The following THEMIS2 variants were observed in gnomAD, a reference collection of about 807,000 sequenced individuals.
The protein encoded by THEMIS2 is protein THEMIS2.
A neutral mutation model predicts 46.8 loss-of-function variants in THEMIS2; 29 were observed. The observed-to-expected ratio is 0.62, with a 90% CI of 0.46 to 0.84. THEMIS2 has a LOEUF of 0.84. THEMIS2 is among the 40% of genes least tolerant of loss of function. The pLI, the probability that THEMIS2 is intolerant of heterozygous loss-of-function variation, is 0.00. For missense variants in THEMIS2, 698 were observed against 834.7 expected, an observed-to-expected ratio of 0.84 and a Z score of 2.02; for synonymous variants, 335 against 349.1, an observed-to-expected ratio of 0.96 and a Z score of 0.45.
chr1:27,880,329 C>T lies in THEMIS2; in HGVS notation c.646+275C>T, dbSNP rs538853207. Among the ~76,000 whole-genome samples, 5 of 152,256 alleles carry T rather than the reference C, an allele frequency of 3.3e-5. No homozygotes were observed. In the South Asian group the frequency reaches 1.0e-3, roughly 32 times the overall value. On this transcript the variant is annotated intron_variant, in intron 3 of 5. Transcript: ENST00000373921. Reference sequence around the variant, plus strand: ...CCTCCCGAGTAGCTGGGATTACAGGCGTGCACCACCATGCCCGGCTAATTT... The same window carrying T: ...CCTCCCGAGTAGCTGGGATTACAGGTGTGCACCACCATGCCCGGCTAATTT...
Position 27,885,938 on chromosome 1 carries a change from C to A in THEMIS2, c.*16C>A. 6.2e-7 allele frequency: 1 copy of A among 1,613,232 alleles called. No individual in the cohort carries two copies. On this transcript the variant is annotated 3_prime_UTR_variant, in exon 6 of 6. Transcript: ENST00000373921. ...AACCATCTAAGTGCTGGAGGAACCACGCTTCCTAACTGCTGCTTCTCAGGG... is the reference window on the plus strand; with the variant it reads ...AACCATCTAAGTGCTGGAGGAACCAAGCTTCCTAACTGCTGCTTCTCAGGG...
chr1:27,883,250 A>T (rs2089716853), intron 4 of THEMIS2: 1 of 593,262 alleles, frequency 1.7e-6, no homozygotes, highest in Admixed American at 3.0e-5. Context: ...GAAAACAAGG[A>T]CTTGGAGACC....
Position 27,872,772 on chromosome 1 carries a change from C to T in THEMIS2, c.94+107C>T. 2.2e-6 allele frequency: 2 copies of T among 900,210 alleles called. No homozygotes were observed. Among genetic ancestry groups the T allele is most frequent in the Non-Finnish European group, 3.0e-6 (2 of 675,964 alleles). 55.8% of individuals were successfully genotyped at this position (900,210 alleles called of 1,614,324 possible). The stretch of plus-strand genomic sequence containing the variant: ...GGGAAACTGCCCCTGGGTTCAAATC[C>T]CGACACTGCCACTGGCCAAGCTGTG... On this transcript the variant is annotated intron_variant, in intron 1 of 5. Coordinates refer to ENST00000373921, the MANE Select transcript of THEMIS2 (RefSeq NM_001105556.3). The surrounding 1 kb of genome is among the most constrained non-coding windows in gnomAD (Gnocchi z 4.9).
At position 27,882,989 on chromosome 1, in the gene THEMIS2, T is replaced by TA; in HGVS notation, c.1670dup (p.Asn557LysfsTer13). 1 of 1,605,752 alleles carries TA rather than the reference T, an allele frequency of 6.2e-7. No individual in the cohort carries two copies. The highest frequency in any genetic ancestry group is 8.5e-7 in the Non-Finnish European group (1 of 1,173,822). ...TCCAAGCCCCCCCACCCAGGCCCCC[T>TA]AAAAATCAGGGCCTCAGCAAGCAGA... On this transcript the variant is annotated frameshift_variant, in exon 4 of 6. Transcript: ENST00000373921. LOFTEE classifies it high-confidence loss of function. This position sits in a 1 kb window ranked among gnomAD's most constrained non-coding sequence, Gnocchi z 7.6.
chr1:27,875,918 G>A (rs544157341), intron 1 of THEMIS2, among the ~76,000 whole-genome samples: 1 of 152,002 alleles, frequency 6.6e-6, no homozygotes, highest in South Asian at 2.1e-4. Flanking sequence ...TAGCCAGGAT[G>A]GTCTCGATCT....
At chr1:27,881,625 C>T (rs367879971) in intron 3 of THEMIS2, among the ~76,000 whole-genome samples, 4 of 151,372 alleles carry the variant, frequency 2.6e-5, no homozygotes, top group Non-Finnish European at 5.9e-5. Flanking sequence ...GACAGGAGTT[C>T]GAGACCAGCC....
chr1:27,886,626 A>T lies in THEMIS2; in HGVS notation c.*704A>T, dbSNP rs1331172630. On this transcript the variant is annotated 3_prime_UTR_variant, in exon 6 of 6. Transcript: ENST00000373921. ...TCAAAGTTGTAAGTGACTAACCAAGATTATTTCATTTTAAAACCATAGAAT... is the reference window on the plus strand; with the variant it reads ...TCAAAGTTGTAAGTGACTAACCAAGTTTATTTCATTTTAAAACCATAGAAT... 6.6e-6 allele frequency: 1 copy of T among 152,200 alleles called. No individual in the cohort carries two copies. Among genetic ancestry groups the T allele is most frequent in the African/African-American group, 2.4e-5 (1 of 41,450 alleles). The allele number at this position is 152,200 out of a possible 1,614,324, so 9.4% of individuals were successfully genotyped here. A position where few individuals can be genotyped will look rare whatever the true frequency, so the allele number is the denominator to read the frequency against.
At position 27,882,945 on chromosome 1, in the gene THEMIS2, A is replaced by AAGTTACC; in HGVS notation, c.1624_1630dup (p.Ala544ValfsTer5). 6.2e-7 allele frequency: 1 copy of AAGTTACC among 1,613,654 alleles called. No individual in the cohort carries two copies. Among genetic ancestry groups the AAGTTACC allele is most frequent in the African/African-American group, 1.3e-5 (1 of 74,860 alleles). On this transcript the variant is annotated frameshift_variant, in exon 4 of 6. Coordinates refer to ENST00000373921, the MANE Select transcript of THEMIS2 (RefSeq NM_001105556.3). LOFTEE classifies it high-confidence loss of function. This position sits in a 1 kb window ranked among gnomAD's most constrained non-coding sequence, Gnocchi z 7.6. The stretch of plus-strand genomic sequence containing the variant: ...AGACACCTTCTATTATCGTCTTCGG[A>AAGTTACC]AGTTACCAGCCTGTGAGATCCAAGC...
intron 1 of THEMIS2, among the ~76,000 whole-genome samples, chr1:27,875,486 G>A (rs2089559407): frequency 6.6e-6 from 1 of 152,134 alleles, no homozygotes; most frequent in African/African-American, 2.4e-5. Context: ...CTGGCAGTAC[G>A]TGGGGAGGTT....
In THEMIS2 at chr1:27,885,938, C is replaced by T. The variant is rs373085383; in HGVS notation, c.*16C>T. Reference sequence around the variant, plus strand: ...AACCATCTAAGTGCTGGAGGAACCACGCTTCCTAACTGCTGCTTCTCAGGG... The same window carrying T: ...AACCATCTAAGTGCTGGAGGAACCATGCTTCCTAACTGCTGCTTCTCAGGG... On this transcript the variant is annotated 3_prime_UTR_variant, in exon 6 of 6. Transcript: ENST00000373921. 10 of 1,613,114 alleles carry T rather than the reference C, an allele frequency of 6.2e-6. No homozygotes were observed. Among genetic ancestry groups the T allele is most frequent in the Non-Finnish European group, 7.6e-6 (9 of 1,179,296 alleles).
At chr1:27,875,258 C>G (rs1315249523) in intron 1 of THEMIS2, among the ~76,000 whole-genome samples, 4 of 152,236 alleles carry the variant, frequency 2.6e-5, no homozygotes, top group African/African-American at 9.6e-5. Flanking sequence ...GGATTACAGG[C>G]ATGAGCCACC....
At chr1:27,874,246 GC>G (rs142346922) in intron 1 of THEMIS2, among the ~76,000 whole-genome samples, 6,819 of 151,728 alleles carry the variant, frequency 0.045, 484 homozygotes, top group African/African-American at 0.15. Flanking sequence ...TTTTGCCCAG[GC>G]CGGTCTCAAA....
Position 27,882,254 on chromosome 1 carries a change from G to T in THEMIS2, c.930G>T (p.Val310=). The T allele has an allele frequency of 6.2e-7, 1 of 1,608,380 alleles. No individual in the cohort carries two copies. Among genetic ancestry groups the T allele is most frequent in the African/African-American group, 1.3e-5 (1 of 74,930 alleles). ...RVLASSKGRK[V]PRHFLVSGGY... ...TGGCCTCAAGCAAGGGCCGCAAGGTGCCCAGGCACTTCCTGGTGTCAGGGG... is the reference window on the plus strand; with the variant it reads ...TGGCCTCAAGCAAGGGCCGCAAGGTTCCCAGGCACTTCCTGGTGTCAGGGG... The change falls in exon 4 of 6, where the codon GTG becomes GTT. Residue 310 remains valine (V), a synonymous_variant. Transcript: ENST00000373921. The surrounding 1 kb of genome is among the most constrained non-coding windows in gnomAD (Gnocchi z 7.6).
At chr1:27,875,403 G>A (rs2089558030) in intron 1 of THEMIS2, among the ~76,000 whole-genome samples, 1 of 152,214 alleles carries the variant, frequency 6.6e-6, no homozygotes, top group South Asian at 2.1e-4. Flanking sequence ...CACAGCTGCT[G>A]TTCTCACCAG....
rs376428161 is a variant in THEMIS2, at chr1:27,879,808, G to A, written c.400G>A (p.Ala134Thr). 21 of 1,614,034 alleles carry A rather than the reference G, an allele frequency of 1.3e-5. No individual in the cohort carries two copies. Among genetic ancestry groups the A allele is most frequent in the Non-Finnish European group, 1.7e-5 (20 of 1,179,894 alleles). Residue 134 changes from alanine (A) to threonine (T), a missense_variant, in exon 3 of 6, where the codon GCT becomes ACT. Ala to Thr is a moderately conservative substitution (Grantham distance 58, BLOSUM62 0). Coordinates refer to ENST00000373921, the MANE Select transcript of THEMIS2 (RefSeq NM_001105556.3). ...TGAGGACCAGCTCCTCATGCTTGAG[G>A]CTGTGGTGATGCACCTCGGGATCCG... is the stretch of plus-strand genomic sequence containing the variant. The part of the protein sequence containing the change: ...VTEDQLLMLE[A>T]VVMHLGIRSA...
intron 3 of THEMIS2, among the ~76,000 whole-genome samples, chr1:27,880,659 T>G (rs1048902302): frequency 6.6e-6 from 1 of 152,200 alleles, no homozygotes; most frequent in African/African-American, 2.4e-5. Flanking sequence ...CTAGGCTTAG[T>G]GCTTGTAGTA....
In THEMIS2 at chr1:27,872,763, G is replaced by A; in HGVS notation, c.94+98G>A. 2 of 1,022,294 alleles carry A rather than the reference G, an allele frequency of 2.0e-6. No homozygotes were observed. The highest frequency in any genetic ancestry group is 6.7e-5 in the South Asian group (2 of 30,034). The allele number at this position is 1,022,294 out of a possible 1,614,324, so 63.3% of individuals were successfully genotyped here. ...AGCAATCCGGGGAAACTGCCCCTGG[G>A]TTCAAATCCCGACACTGCCACTGGC... is the stretch of plus-strand genomic sequence containing the variant. On this transcript the variant is annotated intron_variant, in intron 1 of 5. Coordinates refer to ENST00000373921, the MANE Select transcript of THEMIS2 (RefSeq NM_001105556.3). The surrounding 1 kb of genome is among the most constrained non-coding windows in gnomAD (Gnocchi z 4.9).
Position 27,876,738 on chromosome 1 carries a change from G to A in THEMIS2, c.235+10G>A. 1 of 1,612,968 alleles carries A rather than the reference G, an allele frequency of 6.2e-7. No individual in the cohort carries two copies. Among genetic ancestry groups the A allele is most frequent in the Non-Finnish European group, 8.5e-7 (1 of 1,179,608 alleles). ...GCCCCCAACTTCCAGGGTAAGGTGG[G>A]CACCTCTGCCTCCCCATGTGCCCTG... On this transcript the variant is annotated intron_variant, in intron 2 of 5. Coordinates refer to ENST00000373921, the MANE Select transcript of THEMIS2 (RefSeq NM_001105556.3).
At chr1:27,873,875 A>G (rs1295877100) in intron 1 of THEMIS2, among the ~76,000 whole-genome samples, 1 of 151,974 alleles carries the variant, frequency 6.6e-6, no homozygotes, top group East Asian at 1.9e-4. Flanking sequence ...GTGACTAGAG[A>G]AGGCCCTGAC....
Sources: allele counts gnomAD v4.1 joint callset (sites outside exome capture counted in the v4.1 genomes callset), GRCh38; gene constraint gnomAD v4.1.1; non-coding constraint Gnocchi (gnomAD v3.1); transcripts MANE v1.5; gene names NCBI Gene and HGNC (gene_info 2026-07-23, HGNC 2026-07-21).